COL4A5: variants seen among roughly 807,000 people sequenced by gnomAD.
COL4A5 encodes the protein collagen type IV alpha 5 chain.
COL4A5 carries 26 observed loss-of-function variants against 130.2 expected under a neutral mutation model. That is an observed-to-expected ratio of 0.20 (90% CI 0.15 to 0.28). COL4A5 has a LOEUF of 0.28. COL4A5 is among the 10% of genes least tolerant of loss of function. COL4A5 has a pLI of 1.00. For synonymous variants in COL4A5, 496 were observed against 439.6 expected, an observed-to-expected ratio of 1.13 and a Z score of -1.60; for missense variants, 1,131 against 1,344.3, an observed-to-expected ratio of 0.84 and a Z score of 2.48.
rs2068124202 is a variant in COL4A5 at position 108,668,216 on chromosome X, T to G, written c.3605-103T>G. 3 of 791,330 alleles carry G rather than the reference T, an allele frequency of 3.8e-6. No homozygotes were observed. In the African/African-American group the frequency reaches 6.1e-5, roughly 16 times the overall value. The allele number at this position is 791,330 out of a possible 1,213,427, so 65.2% of individuals were successfully genotyped here. A position where few individuals can be genotyped will look rare whatever the true frequency, so the allele number is the denominator to read the frequency against. The stretch of plus-strand genomic sequence containing the variant: ...ATTTGGTAGGAGATAGAAATGACTC[T>G]TGTGAATTCCATTAATTGCCCTAAT... On this transcript the variant is annotated intron_variant, in intron 40 of 52. Coordinates refer to ENST00000328300, the MANE Select transcript of COL4A5 (RefSeq NM_033380.3).
At chrX:108,534,907 A>G (rs58470027) in intron 1 of COL4A5, among the ~76,000 whole-genome samples, 10,240 of 109,846 alleles carry the variant, frequency 0.093, 1,087 homozygotes, top group African/African-American at 0.31. Context: ...TATTGTCTTT[A>G]TTCCCTCTCT....
chrX:108,668,076 C>T (rs1365863344), intron 40 of COL4A5, among the ~76,000 whole-genome samples: 1 of 111,278 alleles, frequency 9.0e-6, no homozygotes, highest in Non-Finnish European at 1.9e-5. Context: ...ACAAAGGATA[C>T]CTTTTAGGAT....
chrX:108,657,801 A>G (rs187855766), intron 37 of COL4A5, among the ~76,000 whole-genome samples: 4 of 111,658 alleles, frequency 3.6e-5, no homozygotes, highest in African/African-American at 1.3e-4. Flanking sequence ...GTATATGGAA[A>G]TAATTGACCT....
intron 51 of COL4A5, 103 bp downstream of exon 51, chrX:108,695,024 C>G: frequency 2.7e-6 from 2 of 732,459 alleles, no homozygotes; most frequent in Non-Finnish European, 4.3e-6. Context: ...TAATAAGAAG[C>G]TTAAACTTCA....
chrX:108,646,914 G>A (rs936755245), intron 36 of COL4A5, among the ~76,000 whole-genome samples: 2 of 108,567 alleles, frequency 1.8e-5, no homozygotes, highest in African/African-American at 6.9e-5. Context: ...TATTTCTGAG[G>A]GCTCTGTTCT....
At chrX:108,613,937 A>G (rs2066880859) in intron 29 of COL4A5, among the ~76,000 whole-genome samples, 1 of 111,957 alleles carries the variant, frequency 8.9e-6, no homozygotes, top group African/African-American at 3.2e-5. Flanking sequence ...TACTCCCAAG[A>G]AAAATGTGAA....
In COL4A5 at chrX:108,696,458, C is replaced by T; in HGVS notation, c.*80C>T. ...TCCTAGGATGCAGTGTCTCATTGTCCCCAACTTTACTACTGCTGCCGTCAA... is the reference window on the plus strand; with the variant it reads ...TCCTAGGATGCAGTGTCTCATTGTCTCCAACTTTACTACTGCTGCCGTCAA... On this transcript the variant is annotated 3_prime_UTR_variant, in exon 53 of 53. Coordinates refer to ENST00000328300, the MANE Select transcript of COL4A5 (RefSeq NM_033380.3). The T allele has an allele frequency of 1.3e-6, 1 of 747,887 alleles. No individual in the cohort carries two copies. Among genetic ancestry groups the T allele is most frequent in the East Asian group, 3.5e-5 (1 of 28,308 alleles). The allele number at this position is 747,887 out of a possible 1,213,427, so 61.6% of individuals were successfully genotyped here.
intron 48 of COL4A5, among the ~76,000 whole-genome samples, chrX:108,686,934 G>A (rs1486573663): frequency 8.9e-6 from 1 of 111,961 alleles, no homozygotes; most frequent in African/African-American, 3.2e-5. Context: ...TTCATCACAA[G>A]TGTTTCTGTG....
chrX:108,483,745 A>G (rs1023801269), intron 1 of COL4A5, among the ~76,000 whole-genome samples: 2 of 112,141 alleles, frequency 1.8e-5, no homozygotes, highest in African/African-American at 6.5e-5. Flanking sequence ...GACAATGTAC[A>G]AGTGTTCCCT....
chrX:108,672,803 C>G (rs1269705490), intron 42 of COL4A5, among the ~76,000 whole-genome samples: 1 of 111,767 alleles, frequency 8.9e-6, no homozygotes. Context: ...ATTGGTCCCT[C>G]TATATCAAAC....
chrX:108,538,718 G>A (rs1016797225), intron 1 of COL4A5, among the ~76,000 whole-genome samples: 4 of 112,020 alleles, frequency 3.6e-5, no homozygotes, highest in Non-Finnish European at 7.5e-5. Flanking sequence ...TCTATCTGAT[G>A]AAAAGAATGC....
chrX:108,455,010 C>A (rs1268715210), intron 1 of COL4A5, among the ~76,000 whole-genome samples: 1 of 111,705 alleles, frequency 9.0e-6, no homozygotes. Context: ...TATGTATACA[C>A]CTGCGAAACC....
At chrX:108,540,238 C>T (rs1336236939) in intron 2 of COL4A5, among the ~76,000 whole-genome samples, 1 of 110,598 alleles carries the variant, frequency 9.0e-6, no homozygotes, top group South Asian at 3.9e-4. Context: ...TGTTGGGGTC[C>T]TTTAATATCT....
chrX:108,591,297 C>G (rs917666216), intron 20 of COL4A5, 66 bp downstream of exon 20: 2 of 1,049,801 alleles, frequency 1.9e-6, no homozygotes, highest in Admixed American at 2.4e-5. Context: ...ATAAGTAACT[C>G]TAGCTAAAGG....
At chrX:108,496,697 G>A (rs2097101462) in intron 1 of COL4A5, among the ~76,000 whole-genome samples, 1 of 111,213 alleles carries the variant, frequency 9.0e-6, no homozygotes, top group Non-Finnish European at 1.9e-5. Context: ...TCTGCCTCAT[G>A]TTTTGAAGCT....
chrX:108,526,220 G>A (rs1384624759), intron 1 of COL4A5, among the ~76,000 whole-genome samples: 3 of 112,087 alleles, frequency 2.7e-5, no homozygotes, highest in Admixed American at 9.4e-5. Context: ...GAGCAAGGGA[G>A]GTGGAGAAGG....
At chrX:108,580,106 T>A (rs1299911990) in intron 13 of COL4A5, among the ~76,000 whole-genome samples, 1 of 111,691 alleles carries the variant, frequency 9.0e-6, no homozygotes, top group African/African-American at 3.3e-5. Flanking sequence ...TTTAAAAAAG[T>A]CAACCTTTAT....
At position 108,473,613 on chromosome X, in the gene COL4A5, G is replaced by GTATATATATATATA. The variant is rs1230922272; in HGVS notation, c.81+33415_81+33428dup. On this transcript the variant is annotated intron_variant, in intron 1 of 52. Transcript: ENST00000328300. ...TAAAGTTTTATATATATATATATAT[G>GTATATATATATATA]TATATATATATATATATATATTTTT... Among the ~76,000 whole-genome samples, 176 of 45,966 alleles carry GTATATATATATATA rather than the reference G, an allele frequency of 3.8e-3. 6 individuals carry two copies. Among genetic ancestry groups the GTATATATATATATA allele is most frequent in the Non-Finnish European group, 5.6e-3 (126 of 22,410 alleles). 39.9% of individuals were successfully genotyped at this position (45,966 alleles called of 115,157 possible). A position where few individuals can be genotyped will look rare whatever the true frequency, so the allele number is the denominator to read the frequency against.
intron 1 of COL4A5, among the ~76,000 whole-genome samples, chrX:108,476,609 A>G (rs1329564534): frequency 1.0e-5 from 1 of 98,584 alleles, no homozygotes; most frequent in African/African-American, 3.8e-5. Flanking sequence ...TCTGGTAACC[A>G]TCCTTCTACT....
Sources: gnomAD v4.1 joint callset for allele counts (sites outside exome capture counted in the v4.1 genomes callset) on GRCh38, gnomAD v4.1.1 for gene constraint, MANE v1.5 for transcripts, NCBI Gene and HGNC (gene_info 2026-07-23, HGNC 2026-07-21) for gene names.